The following WASHC2C variants were observed in gnomAD, a reference collection of about 807,000 sequenced individuals.
WASHC2C encodes the protein WASH complex subunit 2C.
A neutral mutation model predicts 142.2 loss-of-function variants in WASHC2C; 73 were observed. That is an observed-to-expected ratio of 0.51 (90% CI 0.43 to 0.62). The LOEUF is 0.62. Ranked by LOEUF, WASHC2C falls within the 20% of genes least tolerant of loss-of-function variation. WASHC2C has a pLI of 0.00. For synonymous variants in WASHC2C, 337 were observed against 565.5 expected, an observed-to-expected ratio of 0.60 and a Z score of 5.73; for missense variants, 969 against 1,531.7, an observed-to-expected ratio of 0.63 and a Z score of 6.13.
chr10:45,754,868 T>G (rs1273593075), intron 14 of WASHC2C, 68 bp from the exon 15 acceptor site: 2 of 1,575,990 alleles, frequency 1.3e-6, no homozygotes, highest in African/African-American at 2.7e-5. Context: ...GGGTGATAAT[T>G]TTTTTCTGTA....
intron 10 of WASHC2C, among the ~76,000 whole-genome samples, 180 bp downstream of exon 10, chr10:45,751,018 A>G (rs1271707447): frequency 2.0e-5 from 3 of 152,180 alleles, no homozygotes; most frequent in Non-Finnish European, 4.4e-5. Flanking sequence ...TCCTTTAGAT[A>G]ACTGAACACT....
At position 45,777,085 on chromosome 10, in the gene WASHC2C, C is replaced by T. The variant is rs375824914; in HGVS notation, c.2143-188C>T. ...ATATGGTGGCGTGAAGTGTCCTGTC[C>T]ACAAGTCCCGGGTGGTGGTGTTTGT... is the stretch of plus-strand genomic sequence containing the variant. On this transcript the variant is annotated intron_variant, in intron 21 of 30. Transcript: ENST00000623400. Among the ~76,000 whole-genome samples, 468 of 151,596 alleles carry T rather than the reference C, an allele frequency of 3.1e-3. 7 individuals are homozygous for T. In the East Asian group the frequency reaches 0.045, roughly 15 times the overall value.
intron 8 of WASHC2C, among the ~76,000 whole-genome samples, chr10:45,748,495 G>A (rs1166160520): frequency 1.2e-4 from 19 of 152,262 alleles, no homozygotes; most frequent in Non-Finnish European, 2.4e-4. Flanking sequence ...TCGCCATGTT[G>A]GCGCGGCTGG....
chr10:45,752,620 C>A lies in WASHC2C; in HGVS notation c.1036C>A (p.Leu346Met), dbSNP rs1477464266. The A allele has an allele frequency of 1.2e-6, 2 of 1,609,808 alleles. No individual in the cohort carries two copies. Among genetic ancestry groups the A allele is most frequent in the East Asian group, 2.2e-5 (1 of 44,798 alleles). The change falls in exon 12 of 31, where the codon CTG becomes ATG. Residue 346 changes from leucine to methionine, a missense_variant. Physicochemically the swap from Leu to Met is conservative, Grantham distance 15. Transcript: ENST00000623400. ...GGATAACTTATTCGCACCCCCCAAGCTGACCGACGAGGACTTCTCGCCATT... is the reference window on the plus strand; with the variant it reads ...GGATAACTTATTCGCACCCCCCAAGATGACCGACGAGGACTTCTCGCCATT... ...EEDNLFAPPKLTDEDFSPFGS... is the reference protein window; with the variant it reads ...EEDNLFAPPKMTDEDFSPFGS...
At chr10:45,736,405 CAAAAAAAA>C (rs71520974) in intron 3 of WASHC2C, among the ~76,000 whole-genome samples, 3 of 24,558 alleles carry the variant, frequency 1.2e-4, no homozygotes, top group Admixed American at 8.5e-4. Context: ...GACTCCATCT[CAAAAAAAA>C]AAAAAAAAAA....
chr10:45,759,925 T>G (rs1173538855), intron 17 of WASHC2C, among the ~76,000 whole-genome samples: 3 of 150,462 alleles, frequency 2.0e-5, no homozygotes, highest in South Asian at 2.1e-4. Flanking sequence ...TTACATTTCC[T>G]GGGATGAAAA....
Position 45,769,664 on chromosome 10 carries a change from A to G in WASHC2C, c.2039+46A>G, listed in dbSNP as rs879982232. 1.9e-6 allele frequency: 3 copies of G among 1,611,458 alleles called. No individual in the cohort carries two copies. In the South Asian group the frequency reaches 3.3e-5, roughly 18 times the overall value. ...AGTCCCTCACTCCATTACCGTGGTA[A>G]CAAGAAAAGGAATCTGATGCACAAT... On this transcript the variant is annotated intron_variant, in intron 20 of 30. Coordinates refer to ENST00000623400, the MANE Select transcript of WASHC2C (RefSeq NM_001330074.2).
rs557127525 is a variant in WASHC2C, at chr10:45,779,134, A to G, written c.2477A>G (p.Lys826Arg). The G allele has an allele frequency of 2.3e-4, 366 of 1,611,938 alleles. 3 individuals are homozygous for G. The South Asian group carries it at 3.7e-3, about 16-fold the overall frequency. ...IIQAPQKEVG[K>R]GCDPDAHPKS... ...CAGGCTCCACAGAAAGAAGTAGGAAAGGTAAGCAAAAAGCAGTAGTGGTTC... is the reference window on the plus strand; with the variant it reads ...CAGGCTCCACAGAAAGAAGTAGGAAGGGTAAGCAAAAAGCAGTAGTGGTTC... The change falls in exon 23 of 31, where the codon AAG (lysine) becomes AGG (arginine). Residue 826 changes from lysine to arginine, a missense_variant and splice_region_variant. Coordinates refer to ENST00000623400, the MANE Select transcript of WASHC2C (RefSeq NM_001330074.2).
At chr10:45,763,729 C>T (rs1259829361) in intron 18 of WASHC2C, among the ~76,000 whole-genome samples, 16 of 147,344 alleles carry the variant, frequency 1.1e-4, no homozygotes, top group South Asian at 4.2e-4. Context: ...TTTTTTTTTC[C>T]GAGTTGGAGA....
At chr10:45,761,718 T>G (rs2055117580) in intron 17 of WASHC2C, among the ~76,000 whole-genome samples, 1 of 152,204 alleles carries the variant, frequency 6.6e-6, no homozygotes, top group Non-Finnish European at 1.5e-5. Context: ...TGTCTTTTCT[T>G]GCAGTACCAA....
intron 20 of WASHC2C, among the ~76,000 whole-genome samples, chr10:45,772,621 G>A (rs1276717980): frequency 2.0e-5 from 3 of 152,158 alleles, no homozygotes; most frequent in Admixed American, 1.3e-4. Flanking sequence ...AGAGGCTAAG[G>A]CAGGAGATCA....
chr10:45,762,506 T>C (rs2055246056), intron 17 of WASHC2C, among the ~76,000 whole-genome samples: 1 of 152,194 alleles, frequency 6.6e-6, no homozygotes, highest in Non-Finnish European at 1.5e-5. Context: ...GAAAGTTTCT[T>C]TAGAATCTAT....
At chr10:45,727,563 C>T (rs756159262) in intron 2 of WASHC2C, 24 bp downstream of exon 2, 31 of 1,558,146 alleles carry the variant, frequency 2.0e-5, no homozygotes, top group Non-Finnish European at 2.7e-5. Context: ...CCCGGGGACG[C>T]GAGAGCGGCA....
intron 19 of WASHC2C, among the ~76,000 whole-genome samples, chr10:45,768,903 A>T (rs2056258652): frequency 6.6e-6 from 1 of 151,954 alleles, no homozygotes; most frequent in Non-Finnish European, 1.5e-5. Context: ...CATTGGGAAG[A>T]GACATCGTGG....
At position 45,784,293 on chromosome 10, in the gene WASHC2C, C is replaced by CATATATATAT. The variant is rs1286811903; in HGVS notation, c.2479-262_2479-253dup. ...ATATATATATATATATATATATACA[C>CATATATATAT]ATATATATATATATATATACACACA... On this transcript the variant is annotated intron_variant, in intron 23 of 30. Transcript: ENST00000623400. Among the ~76,000 whole-genome samples the CATATATATAT allele has an allele frequency of 8.4e-3, 531 of 63,506 alleles. 20 individuals carry two copies. The highest frequency in any genetic ancestry group is 0.015 in the South Asian group (25 of 1,614). 41.7% of individuals were successfully genotyped at this position (63,506 alleles called of 152,430 possible).
chr10:45,769,336 T>C (rs1554883691), intron 19 of WASHC2C, 113 bp from the exon 20 acceptor site: 2 of 1,446,210 alleles, frequency 1.4e-6, no homozygotes, highest in Admixed American at 4.2e-5. Flanking sequence ...GCAAGGATGG[T>C]CTTGATCTGC....
At chr10:45,748,295 T>TTC (rs1187206577) in intron 8 of WASHC2C, among the ~76,000 whole-genome samples, 1 of 114,970 alleles carries the variant, frequency 8.7e-6, no homozygotes, top group Non-Finnish European at 1.9e-5. Context: ...TTTTTTTTTT[T>TTC]TTTTTTTTTT....
At chr10:45,750,980 G>A (rs2053516227) in intron 10 of WASHC2C, 142 bp downstream of exon 10, 1 of 943,486 alleles carries the variant, frequency 1.1e-6, no homozygotes, top group Non-Finnish European at 1.6e-6. Context: ...TTAAATTGTA[G>A]CGCTTATTCC....
At chr10:45,784,283 T>TATATAC (rs2057816402) in intron 23 of WASHC2C, among the ~76,000 whole-genome samples, 1 of 8,086 alleles carries the variant, frequency 1.2e-4, no homozygotes, top group Non-Finnish European at 3.3e-4. Context: ...TATATATATA[T>TATATAC]ATATATACAC....
Sources: allele counts gnomAD v4.1 joint callset (sites outside exome capture counted in the v4.1 genomes callset), GRCh38; gene constraint gnomAD v4.1.1; transcripts MANE v1.5; gene names NCBI Gene and HGNC (gene_info 2026-07-23, HGNC 2026-07-21).